The following BABAM2 variants were observed in gnomAD, a reference collection of about 807,000 sequenced individuals.
BABAM2 encodes BRISC and BRCA1 A complex member 2, also known as BRISC and BRCA1-A complex member 2.
In BABAM2, 31 loss-of-function variants were observed where a neutral mutation model predicts 54.7. The observed-to-expected ratio is 0.57, with a 90% confidence interval of 0.43 to 0.77. The LOEUF (loss-of-function observed/expected upper bound fraction) is 0.77, where lower values mean the gene tolerates loss of function less well. Among genes scored for constraint, BABAM2 ranks in the 30% least tolerant of loss-of-function variants. The pLI is 0.00. For missense variants in BABAM2, 364 were observed against 455.8 expected (o/e 0.80, Z 1.83); for synonymous variants, 167 against 162.9 (o/e 1.03, Z -0.19).
intron 6 of BABAM2, among the ~76,000 whole-genome samples, chr2:28,075,081 C>T (rs532068112): frequency 3.9e-5 from 6 of 152,138 alleles, no homozygotes; most frequent in African/African-American, 1.4e-4. Flanking sequence ...TGCATTGATG[C>T]CTGAAGATTT....
chr2:28,025,326 A>G lies in BABAM2; in HGVS notation c.401A>G (p.Glu134Gly), dbSNP rs1288882134. ...YHQFQCSRLR[E>G]SSRLMFEYQT... ...CAATTCCAATGTAGCCGCCTCCGGG[A>G]GAGCTCCCGCCTCATGTTTGAATAC... The change falls in exon 5 of 12, where the codon GAG (glutamate) becomes GGG (glycine). Residue 134 changes from glutamate to glycine, a missense_variant. Transcript: ENST00000379624. 1 of 1,613,212 alleles carries G rather than the reference A, an allele frequency of 6.2e-7. No homozygotes were observed. The highest frequency in any genetic ancestry group is 1.3e-5 in the African/African-American group (1 of 74,866).
At chr2:28,236,155 TA>T (rs923499702) in intron 7 of BABAM2, among the ~76,000 whole-genome samples, 4 of 152,098 alleles carry the variant, frequency 2.6e-5, no homozygotes, top group East Asian at 1.9e-4. Context: ...AGAGAGGGTT[TA>T]GGGGGCTTAT....
At chr2:27,896,783 C>A in intron 2 of BABAM2, 1 of 236,434 alleles carries the variant, frequency 4.2e-6, no homozygotes. Context: ...AGCTTGTGCC[C>A]AGCTGGGTCT....
At chr2:28,317,925 T>C (rs1572407680) in intron 11 of BABAM2, among the ~76,000 whole-genome samples, 2 of 152,348 alleles carry the variant, frequency 1.3e-5, no homozygotes, top group East Asian at 1.9e-4. Context: ...GATGGTTATA[T>C]CTCTGCAGGC....
intron 5 of BABAM2, among the ~76,000 whole-genome samples, chr2:28,026,887 GATATATATAA>G (rs1427544229): frequency 0.56 from 33,835 of 60,826 alleles, 9,104 homozygotes; most frequent in South Asian, 0.7. Flanking sequence ...TATATATATA[GATATATATAA>G]ATATATATAA....
chr2:28,024,354 C>T (rs1225382269), intron 4 of BABAM2, among the ~76,000 whole-genome samples: 1 of 151,104 alleles, frequency 6.6e-6, no homozygotes, highest in Non-Finnish European at 1.5e-5. Flanking sequence ...TGCAGTGAGC[C>T]GAGATCGCAC....
At chr2:28,214,519 A>G (rs1057000768) in intron 7 of BABAM2, among the ~76,000 whole-genome samples, 3 of 152,058 alleles carry the variant, frequency 2.0e-5, no homozygotes, top group Non-Finnish European at 2.9e-5. Context: ...TTTGTAGACA[A>G]TCATGTCTTA....
At chr2:27,901,459 C>T (rs545441288) in intron 2 of BABAM2, among the ~76,000 whole-genome samples, 5 of 152,252 alleles carry the variant, frequency 3.3e-5, no homozygotes, top group Non-Finnish European at 5.9e-5. Flanking sequence ...ACATCTCATC[C>T]GCCCACAACT....
chr2:28,293,294 G>A (rs1436150058), intron 10 of BABAM2, among the ~76,000 whole-genome samples: 1 of 152,142 alleles, frequency 6.6e-6, no homozygotes, highest in Admixed American at 6.5e-5. Context: ...GGTGTTTGGA[G>A]AAGTGAGAAA....
At chr2:28,115,728 A>G (rs976576440) in intron 6 of BABAM2, among the ~76,000 whole-genome samples, 7 of 152,134 alleles carry the variant, frequency 4.6e-5, no homozygotes, top group Non-Finnish European at 1.0e-4. Context: ...GAAGGCGTCC[A>G]GGATTGAGTG....
chr2:28,167,042 A>G (rs1044037071), intron 7 of BABAM2, among the ~76,000 whole-genome samples: 3 of 152,210 alleles, frequency 2.0e-5, no homozygotes, highest in Non-Finnish European at 4.4e-5. Context: ...TGCCGATAAT[A>G]TAGTGTGAAA....
chr2:28,107,705 A>G (rs1029562589), intron 6 of BABAM2, among the ~76,000 whole-genome samples: 1 of 152,116 alleles, frequency 6.6e-6, no homozygotes, highest in African/African-American at 2.4e-5. Context: ...CATCTCTCTT[A>G]TCATATGCCT....
intron 7 of BABAM2, among the ~76,000 whole-genome samples, chr2:28,141,225 T>TAC (rs918949723): frequency 6.6e-6 from 1 of 152,046 alleles, no homozygotes; most frequent in Non-Finnish European, 1.5e-5. Flanking sequence ...ATCACACACA[T>TAC]ACACACACAC....
chr2:28,337,425 C>T (rs1691565956), intron 11 of BABAM2, among the ~76,000 whole-genome samples: 1 of 152,224 alleles, frequency 6.6e-6, no homozygotes, highest in African/African-American at 2.4e-5. Flanking sequence ...CGGCGTGATC[C>T]CATGGCTGGG....
chr2:28,026,775 A>AT (rs1470025637), intron 5 of BABAM2, among the ~76,000 whole-genome samples: 2 of 99,830 alleles, frequency 2.0e-5, no homozygotes, highest in Admixed American at 1.3e-4. Flanking sequence ...ATAAATATAT[A>AT]AAAAAATATA....
In BABAM2 at chr2:28,315,732, A is replaced by G. The variant is rs113974951; in HGVS notation, c.1088+17241A>G. Among the ~76,000 whole-genome samples the G allele has an allele frequency of 1.3e-3, 199 of 151,810 alleles. 2 individuals carry two copies. In the Middle Eastern group the frequency reaches 0.014, roughly 10 times the overall value. ...GGTCTTTAACTCCTGGGCTCAATCAATCCTCCCATCTTGACCTCACAAAGT... is the reference window on the plus strand; with the variant it reads ...GGTCTTTAACTCCTGGGCTCAATCAGTCCTCCCATCTTGACCTCACAAAGT... On this transcript the variant is annotated intron_variant, in intron 11 of 11. Coordinates refer to ENST00000379624, the MANE Select transcript of BABAM2 (RefSeq NM_199191.3).
At position 28,056,784 on chromosome 2, in the gene BABAM2, T is replaced by G. The variant is rs148251800; in HGVS notation, c.570+10985T>G. 4.4e-3 allele frequency among the ~76,000 whole-genome samples: 672 copies of G among 152,310 alleles called. 5 individuals carry two copies. Among genetic ancestry groups the G allele is most frequent in the South Asian group, 0.023 (111 of 4,832 alleles). On this transcript the variant is annotated intron_variant, in intron 6 of 11. Transcript: ENST00000379624. ...TAAATGCAAAGTACACTAATACATA[T>G]GAACATAGCAAGCTTTGGAGGCATA...
intron 6 of BABAM2, among the ~76,000 whole-genome samples, chr2:28,112,151 C>CTTTCTTTCTTTCTTTCTTTCTTTTTCTT (rs1261759583): frequency 5.1e-5 from 1 of 19,606 alleles, no homozygotes; most frequent in African/African-American, 2.3e-4. Context: ...CTTTCTTTAC[C>CTTTCTTTCTTTCTTTCTTTCTTTTTCTT]TCCCTCCCTC....
chr2:27,981,273 C>T (rs920509370), intron 3 of BABAM2, among the ~76,000 whole-genome samples: 1 of 151,986 alleles, frequency 6.6e-6, no homozygotes, highest in Non-Finnish European at 1.5e-5. Flanking sequence ...ATTCAGTAAA[C>T]ACTTTGTAAT....
Sources: gnomAD v4.1 joint callset for allele counts (sites outside exome capture counted in the v4.1 genomes callset) on GRCh38, gnomAD v4.1.1 for gene constraint, MANE v1.5 for transcripts, NCBI Gene and HGNC (gene_info 2026-07-23, HGNC 2026-07-21) for gene names.